Variants in DNAJB1 observed in about 807,000 individuals in gnomAD.
DNAJB1 encodes dnaJ homolog subfamily B member 1.
A neutral mutation model predicts 24.0 loss-of-function variants in DNAJB1; 14 were observed. That is an observed-to-expected ratio of 0.58 (90% confidence interval 0.39 to 0.91). The LOEUF (loss-of-function observed/expected upper bound fraction) is 0.91. Ranked by LOEUF, DNAJB1 falls within the 40% of genes least tolerant of loss-of-function variation. DNAJB1 has a pLI of 0.00. For synonymous variants in DNAJB1, 262 were observed against 174.4 expected, an observed-to-expected ratio of 1.50 and a Z score of -3.96; for missense variants, 517 against 458.1, an observed-to-expected ratio of 1.13 and a Z score of -1.17.
chr19:14,551,157 C>T (rs1455931923), upstream of DNAJB1, among the ~76,000 whole-genome samples: 4 of 151,832 alleles, frequency 2.6e-5, no homozygotes, highest in African/African-American at 9.7e-5. Context: ...CTGCAACCTC[C>T]ACCTCCCAGG....
chr19:14,529,637 G>A (rs142882191), upstream of DNAJB1: 9 of 1,613,438 alleles, frequency 5.6e-6, no homozygotes, highest in African/African-American at 6.7e-5. Flanking sequence ...GGGAGCCTGT[G>A]CTGTGCCGCG....
At chr19:14,537,744 G>GTT (rs533380690) in intron 1 of DNAJB1, among the ~76,000 whole-genome samples, 24,626 of 126,086 alleles carry the variant, frequency 0.2, 2,753 homozygotes, top group South Asian at 0.39. Flanking sequence ...AATTATCAGT[G>GTT]TTTTTTTTTT....
chr19:14,535,798 G>A (rs1238658313), intron 1 of DNAJB1, among the ~76,000 whole-genome samples: 1 of 146,104 alleles, frequency 6.8e-6, no homozygotes, highest in Non-Finnish European at 1.5e-5. Context: ...TGAGCCTTGA[G>A]CTGTGGTGAG....
chr19:14,538,536 CT>C (rs5827232), intron 1 of DNAJB1, among the ~76,000 whole-genome samples: 104,563 of 136,702 alleles, frequency 0.76, 40,281 homozygotes, highest in Middle Eastern at 0.86. Context: ...TCTTTTTTTT[CT>C]TTTTTTTTTT....
rs1475375684 is a variant in DNAJB1 at position 14,515,204 on chromosome 19, C to CT, written c.*735dup. The CT allele has an allele frequency of 6.6e-6, 1 of 152,584 alleles. No individual in the cohort carries two copies. The highest frequency in any genetic ancestry group is 1.5e-5 in the Non-Finnish European group (1 of 68,044). The allele number at this position is 152,584 out of a possible 1,614,324, so 9.5% of individuals were successfully genotyped here. A position where few individuals can be genotyped will look rare whatever the true frequency, so the allele number is the denominator to read the frequency against. ...TAAGCCCCACGTGTGCCAAGATTGC[C>CT]TTACAGAAATGTAAAGAGTGTGACC... On this transcript the variant is annotated 3_prime_UTR_variant, in exon 3 of 3. Coordinates refer to ENST00000254322, the MANE Select transcript of DNAJB1 (RefSeq NM_006145.3).
At chr19:14,549,051 G>A (rs1430703611) in intron 1 of DNAJB1, among the ~76,000 whole-genome samples, 2 of 151,726 alleles carry the variant, frequency 1.3e-5, no homozygotes, top group African/African-American at 4.8e-5. Flanking sequence ...AGGTAAAAAC[G>A]TCATGTATTT....
At chr19:14,534,616 A>G (rs2072799615), upstream of DNAJB1, among the ~76,000 whole-genome samples, 1 of 151,646 alleles carries the variant, frequency 6.6e-6, no homozygotes, top group Non-Finnish European at 1.5e-5. Flanking sequence ...CTGTAGTTTT[A>G]GTAGAGATGG....
intron 1 of DNAJB1, among the ~76,000 whole-genome samples, chr19:14,557,741 C>T (rs926712194): frequency 1.6e-4 from 24 of 150,468 alleles, no homozygotes; most frequent in African/African-American, 4.2e-4. Flanking sequence ...CATGAGCCAC[C>T]GTGCCCGGTC....
exon 1 of DNAJB1, among the ~76,000 whole-genome samples, chr19:14,560,141 G>A (rs35394596): frequency 0.083 from 12,646 of 152,236 alleles, 600 homozygotes; most frequent in African/African-American, 0.1. Flanking sequence ...GCCGCAGCCC[G>A]GCGTCCTCTC....
upstream of DNAJB1, among the ~76,000 whole-genome samples, chr19:14,534,306 A>G (rs192982197): frequency 0.022 from 2,989 of 137,458 alleles, 86 homozygotes; most frequent in African/African-American, 0.072. Context: ...TTGTATTTTT[A>G]GTAGAGATGA....
At position 14,538,262 on chromosome 19, in the gene DNAJB1, G is replaced by A. The variant is rs1410366557; in HGVS notation, c.-213-10452C>T. On this transcript the variant is annotated intron_variant, in intron 1 of 3. Coordinates refer to the DNAJB1 transcript ENST00000676982. The stretch of plus-strand genomic sequence containing the variant: ...GGGAAAGAATCAAGTGTGTGGTGGT[G>A]GTGAAGGACTTGGAGGCCACCCACT... 2.0e-5 allele frequency among the ~76,000 whole-genome samples: 3 copies of A among 152,218 alleles called. No homozygotes were observed. In the East Asian group the frequency reaches 5.8e-4, roughly 29 times the overall value.
At chr19:14,533,498 GA>G (rs1382857353), upstream of DNAJB1, among the ~76,000 whole-genome samples, 1 of 152,136 alleles carries the variant, frequency 6.6e-6, no homozygotes, top group Non-Finnish European at 1.5e-5. Flanking sequence ...GTTGTCCACT[GA>G]AAGGTTGGCC....
intron 1 of DNAJB1, among the ~76,000 whole-genome samples, chr19:14,547,314 AG>A: frequency 6.6e-6 from 1 of 152,198 alleles, no homozygotes; most frequent in African/African-American, 2.4e-5. Flanking sequence ...TAAAAATATT[AG>A]TTACAGGCGT....
chr19:14,543,419 ATTTTTTTTTTTTTTTTTTTT>A lies in DNAJB1; in HGVS notation c.-214+6769_-214+6788del, dbSNP rs1169742953. ...TATATATATATATATATATATATAT[ATTTTTTTTTTTTTTTTTTTT>A]TTTTTTTTTTTTTTTTTGAGACGGA... On this transcript the variant is annotated intron_variant, in intron 1 of 3. Transcript: ENST00000676982. Among the ~76,000 whole-genome samples, 150 of 21,854 alleles carry A rather than the reference ATTTTTTTTTTTTTTTTTTTT, an allele frequency of 6.9e-3. 2 individuals are homozygous for A. Among genetic ancestry groups the A allele is most frequent in the African/African-American group, 8.3e-3 (34 of 4,084 alleles). The allele number at this position is 21,854 out of a possible 152,430, so 14.3% of individuals were successfully genotyped here.
chr19:14,537,744 GTTTT>G (rs533380690), intron 1 of DNAJB1, among the ~76,000 whole-genome samples: 1 of 126,268 alleles, frequency 7.9e-6, no homozygotes. Flanking sequence ...AATTATCAGT[GTTTT>G]TTTTTTTTTT....
intron 2 of DNAJB1, 96 bp downstream of exon 2, chr19:14,516,370 G>A (rs1403263066): frequency 2.7e-5 from 37 of 1,391,462 alleles, no homozygotes; most frequent in East Asian, 2.4e-5. Flanking sequence ...AGCCTGGCAC[G>A]CACCACACAC....
chr19:14,532,046 C>G (rs2072691298), upstream of DNAJB1: 1 of 149,876 alleles, frequency 6.7e-6, no homozygotes, highest in African/African-American at 2.5e-5. Context: ...CCATGTCCAG[C>G]TTGAAACATG....
At chr19:14,553,784 T>C (rs1568418241), upstream of DNAJB1, among the ~76,000 whole-genome samples, 1 of 152,108 alleles carries the variant, frequency 6.6e-6, no homozygotes, top group African/African-American at 2.4e-5. Context: ...ATGCTGGGCA[T>C]TGGCTGGACA....
chr19:14,553,335 C>T (rs1776731093), upstream of DNAJB1, among the ~76,000 whole-genome samples: 1 of 152,156 alleles, frequency 6.6e-6, no homozygotes, highest in African/African-American at 2.4e-5. Context: ...CTTGCCAGCA[C>T]AGGTAGAAGA....
Sources: allele counts gnomAD v4.1 joint callset (sites outside exome capture counted in the v4.1 genomes callset), GRCh38; gene constraint gnomAD v4.1.1; transcripts MANE v1.5; gene names NCBI Gene and HGNC (gene_info 2026-07-23, HGNC 2026-07-21).